The following PTN variants were observed in gnomAD, a reference collection of about 807,000 sequenced individuals.
PTN encodes the protein pleiotrophin.
PTN carries 18 observed loss-of-function variants against 24.1 expected under a neutral mutation model. That is an observed-to-expected ratio of 0.75 (90% CI 0.52 to 1.11). The LOEUF is 1.11. Among genes scored for constraint, PTN ranks in the 50% least tolerant of loss-of-function variants. The pLI is 0.00. For missense variants in PTN, 163 were observed against 198.8 expected, an observed-to-expected ratio of 0.82 and a Z score of 1.08; for synonymous variants, 78 against 68.6, an observed-to-expected ratio of 1.14 and a Z score of -0.67.
intron 1 of PTN, among the ~76,000 whole-genome samples, chr7:137,314,591 A>G (rs1810038054): frequency 8.4e-6 from 1 of 118,508 alleles, no homozygotes; most frequent in Non-Finnish European, 1.7e-5. Flanking sequence ...AGTCTTTTAC[A>G]TGATGCTTTT....
At chr7:137,245,071 TAA>T (rs1808699834) in intron 4 of PTN, among the ~76,000 whole-genome samples, 1 of 152,184 alleles carries the variant, frequency 6.6e-6, no homozygotes, top group Non-Finnish European at 1.5e-5. Context: ...TTCTAAAATG[TAA>T]AGAGTATGAT....
intron 1 of PTN, among the ~76,000 whole-genome samples, chr7:137,269,622 C>CAATTTTTTTTTTTTTTT (rs1563206774): frequency 9.4e-6 from 1 of 106,066 alleles, no homozygotes; most frequent in African/African-American, 4.5e-5. Flanking sequence ...GCTGCTTCAT[C>CAATTTTTTTTTTTTTTT]TATTTTTTTT....
chr7:137,323,552 C>T (rs1265324507), intron 1 of PTN, among the ~76,000 whole-genome samples: 2 of 152,066 alleles, frequency 1.3e-5, no homozygotes, highest in Non-Finnish European at 2.9e-5. Flanking sequence ...AGTTTTTACC[C>T]TTGGAAGTCA....
At chr7:137,336,140 T>C (rs1810444929) in intron 1 of PTN, among the ~76,000 whole-genome samples, 1 of 152,130 alleles carries the variant, frequency 6.6e-6, no homozygotes, top group Non-Finnish European at 1.5e-5. Context: ...TCATGTTCAG[T>C]ATAACAGTTT....
rs1425353596 is a variant in PTN at position 137,343,538 on chromosome 7, G to A, written c.-101C>T. On this transcript the variant is annotated 5_prime_UTR_variant, in exon 1 of 5. Coordinates refer to ENST00000348225, the MANE Select transcript of PTN (RefSeq NM_002825.7). Reference sequence around the variant, plus strand: ...AGGTACCCGGCTCGCTGCAGCTCCTGCTTGGGCCGCTGCTGCTCTCCCCGC... The same window carrying A: ...AGGTACCCGGCTCGCTGCAGCTCCTACTTGGGCCGCTGCTGCTCTCCCCGC... 1 of 518,976 alleles carries A rather than the reference G, an allele frequency of 1.9e-6. No homozygotes were observed. The highest frequency in any genetic ancestry group is 1.4e-5 in the South Asian group (1 of 71,584). 32.1% of individuals were successfully genotyped at this position (518,976 alleles called of 1,614,324 possible).
At chr7:137,259,166 G>T (rs1019239964) in intron 1 of PTN, among the ~76,000 whole-genome samples, 1 of 152,110 alleles carries the variant, frequency 6.6e-6, no homozygotes, top group African/African-American at 2.4e-5. Context: ...AACTTTAGGA[G>T]AATGTGTTTA....
At chr7:137,297,414 A>G (rs1406659930) in intron 1 of PTN, among the ~76,000 whole-genome samples, 1 of 152,116 alleles carries the variant, frequency 6.6e-6, no homozygotes, top group African/African-American at 2.4e-5. Flanking sequence ...GGCATACTCA[A>G]GTGGATGCAT....
chr7:137,238,102 A>C (rs1443114228), intron 4 of PTN, among the ~76,000 whole-genome samples: 1 of 152,140 alleles, frequency 6.6e-6, no homozygotes, highest in Non-Finnish European at 1.5e-5. Flanking sequence ...TTTTATTTTC[A>C]TGGCCTCTGT....
At chr7:137,340,519 T>G (rs1810517210) in intron 1 of PTN, among the ~76,000 whole-genome samples, 1 of 152,174 alleles carries the variant, frequency 6.6e-6, no homozygotes, top group Non-Finnish European at 1.5e-5. Flanking sequence ...ATGGCCCAAA[T>G]TCCACTTAAG....
In PTN at chr7:137,229,730, GCTCT is replaced by G. The variant is rs557783003; in HGVS notation, c.452-1659_452-1656del. The stretch of plus-strand genomic sequence containing the variant: ...ATACTAAAGAAATTTAACTTTTCAC[GCTCT>G]CTATTTTTGTTTGTTTTCTCAAATA... On this transcript the variant is annotated intron_variant, in intron 4 of 4. Coordinates refer to ENST00000348225, the MANE Select transcript of PTN (RefSeq NM_002825.7). Among the ~76,000 whole-genome samples, 35 of 151,730 alleles carry G rather than the reference GCTCT, an allele frequency of 2.3e-4. No individual in the cohort carries two copies. The South Asian group carries it at 6.0e-3, about 26-fold the overall frequency.
At chr7:137,237,162 A>G (rs1808537350) in intron 4 of PTN, among the ~76,000 whole-genome samples, 1 of 152,146 alleles carries the variant, frequency 6.6e-6, no homozygotes, top group South Asian at 2.1e-4. Context: ...GAGGCAATTA[A>G]ATTAAAATGA....
intron 1 of PTN, among the ~76,000 whole-genome samples, chr7:137,324,433 A>AAAAAAAAATATATATATATATATATATAT: frequency 2.3e-5 from 2 of 88,762 alleles, no homozygotes; most frequent in Admixed American, 1.5e-4. Context: ...AAAAAAAAAA[A>AAAAAAAAATATATATATATATATATATAT]ATATATATAT....
At chr7:137,276,146 G>C (rs322248) in intron 1 of PTN, among the ~76,000 whole-genome samples, 149,470 of 152,312 alleles carry the variant, frequency 0.98, 73,399 homozygotes, top group East Asian at 1. Flanking sequence ...AGAAAAACCT[G>C]TCATACAAAG....
At chr7:137,231,967 G>T (rs894185184) in intron 4 of PTN, among the ~76,000 whole-genome samples, 3 of 152,018 alleles carry the variant, frequency 2.0e-5, no homozygotes, top group African/African-American at 7.2e-5. Context: ...CTGGAGCAGG[G>T]CTATAATTAG....
chr7:137,281,056 CATTT>C (rs1245863239), intron 1 of PTN, among the ~76,000 whole-genome samples: 3 of 151,960 alleles, frequency 2.0e-5, no homozygotes, highest in African/African-American at 7.2e-5. Flanking sequence ...AATAATCATT[CATTT>C]AAGATAACAT....
chr7:137,312,740 T>C lies in PTN; in HGVS notation c.-2+30699A>G, dbSNP rs200648758. On this transcript the variant is annotated intron_variant, in intron 1 of 4. Transcript: ENST00000348225. ...TTTAAAATAAAAAAATTGAAAACTC[T>C]TAAATTTTCAATAAAGTTACACTCC... is the stretch of plus-strand genomic sequence containing the variant. Among the ~76,000 whole-genome samples, 12 of 152,200 alleles carry C rather than the reference T, an allele frequency of 7.9e-5. No individual in the cohort carries two copies. The East Asian group carries it at 1.7e-3, about 22-fold the overall frequency.
chr7:137,293,332 C>A (rs956282909), intron 1 of PTN, among the ~76,000 whole-genome samples: 1 of 152,072 alleles, frequency 6.6e-6, no homozygotes, highest in South Asian at 2.1e-4. Context: ...AGCTAGTGTG[C>A]GCGCATAAGG....
chr7:137,292,928 AAC>A (rs1053307940), intron 1 of PTN, among the ~76,000 whole-genome samples: 4 of 152,206 alleles, frequency 2.6e-5, no homozygotes, highest in African/African-American at 9.6e-5. Context: ...AATGTGAAAT[AAC>A]ACAGTATTTT....
intron 1 of PTN, among the ~76,000 whole-genome samples, chr7:137,295,703 T>C (rs1809708430): frequency 3.3e-5 from 5 of 152,140 alleles, no homozygotes; most frequent in Admixed American, 2.6e-4. Context: ...TTTTCCTTTT[T>C]TTCACGTGGT....
Sources: gnomAD v4.1 joint callset for allele counts (sites outside exome capture counted in the v4.1 genomes callset) on GRCh38, gnomAD v4.1.1 for gene constraint, MANE v1.5 for transcripts, NCBI Gene and HGNC (gene_info 2026-07-23, HGNC 2026-07-21) for gene names.